Variants in CYBB observed in about 807,000 individuals in gnomAD.
CYBB encodes the protein cytochrome b-245 beta chain.
Under a neutral mutation model 46.5 loss-of-function variants are expected in CYBB, and 5 were observed. That is an observed-to-expected ratio of 0.11 (90% confidence interval 0.06 to 0.23). The LOEUF is 0.23. CYBB is among the 10% of genes least tolerant of loss of function. The probability of loss-of-function intolerance (pLI) is 1.00; values close to 1 mark genes in which losing one functional copy is unlikely to be tolerated. For synonymous variants in CYBB, 183 were observed against 156.7 expected, an observed-to-expected ratio of 1.17 and a Z score of -1.26; for missense variants, 307 against 428.3, an observed-to-expected ratio of 0.72 and a Z score of 2.50.
At chrX:37,790,051 G>T (rs1241781295) in intron 3 of CYBB, among the ~76,000 whole-genome samples, 2 of 111,765 alleles carry the variant, frequency 1.8e-5, no homozygotes, top group African/African-American at 6.5e-5. Context: ...AATCATGGAT[G>T]GCAGTTGGTG....
chrX:37,799,126 C>G, intron 7 of CYBB, 42 bp downstream of exon 7: 1 of 1,144,634 alleles, frequency 8.7e-7, no homozygotes, highest in Non-Finnish European at 1.2e-6. Context: ...TCATTACTGA[C>G]AATCTTTAAC....
chrX:37,807,110 A>C (rs564453052), intron 11 of CYBB, among the ~76,000 whole-genome samples: 15 of 111,066 alleles, frequency 1.4e-4, no homozygotes, highest in Middle Eastern at 4.7e-3. Flanking sequence ...GATTTTGTGC[A>C]ATTGTAGGCT....
At chrX:37,781,626 C>T (rs1556464486) in intron 1 of CYBB, among the ~76,000 whole-genome samples, 1 of 111,896 alleles carries the variant, frequency 8.9e-6, no homozygotes, top group Non-Finnish European at 1.9e-5. Context: ...GGCATTTTAG[C>T]TGATGAGAAT....
intron 5 of CYBB, 102 bp downstream of exon 5, chrX:37,793,912 T>C (rs372038790): frequency 5.3e-6 from 4 of 759,572 alleles, no homozygotes. Context: ...AAAAAAAAAG[T>C]TGGCTAACCA....
At position 37,801,292 on chromosome X, in the gene CYBB, C is replaced by A. The variant is rs1422144712; in HGVS notation, c.841C>A (p.Leu281Ile). 2 of 1,207,194 alleles carry A rather than the reference C, an allele frequency of 1.7e-6. No homozygotes were observed. Among genetic ancestry groups the A allele is most frequent in the African/African-American group, 3.5e-5 (2 of 56,951 alleles). The change falls in exon 8 of 13, where the codon CTC becomes ATC. Residue 281 changes from leucine to isoleucine, a missense_variant. By Grantham distance (5) the Leu-to-Ile change is conservative. Around this residue, in one of 3 missense-constraint regions of CYBB, gnomAD observed 82 missense variants for 69.9 expected, o/e 1.17. Transcript: ENST00000378588. ...KWIVGPMFLY[L>I]CERLVRFWRS... ...GATAGTGGGTCCCATGTTTCTGTAT[C>A]TCTGTGAGAGGTTGGTGCGGTTTTG...
rs2146803168 is a variant in CYBB at position 37,782,171 on chromosome X, A to G, written c.129A>G (p.Arg43=). Residue 43 remains arginine (R), a synonymous_variant, in exon 2 of 13, where the codon AGA becomes AGG. Coordinates refer to ENST00000378588, the MANE Select transcript of CYBB (RefSeq NM_000397.4). ...TTCCACCTAAGTTCTTTTACACAAG[A>G]AAACTTCTTGGGGTAAGTATAAATT... ...YDIPPKFFYT[R]KLLGSALALA... is the part of the protein sequence containing the mutation. 5 of 1,176,684 alleles carry G rather than the reference A, an allele frequency of 4.2e-6. No homozygotes were observed. The highest frequency in any genetic ancestry group is 5.8e-6 in the Non-Finnish European group (5 of 863,215).
At chrX:37,783,384 T>C in intron 2 of CYBB, 106 bp from the exon 3 acceptor site, 1 of 548,017 alleles carries the variant, frequency 1.8e-6, no homozygotes, top group Non-Finnish European at 3.3e-6. Flanking sequence ...ACAGATCACT[T>C]GGTGTCTCTG....
In CYBB at chrX:37,799,088, T is replaced by C; in HGVS notation, c.804+4T>C. On this transcript the variant is annotated splice_donor_region_variant and intron_variant, in intron 7 of 12. Transcript: ENST00000378588. ...GTTTGCTGGAAACCCTCCTATGGTA[T>C]GTACAATTCATTGTTGTTATTACAG... 1 of 1,203,455 alleles carries C rather than the reference T, an allele frequency of 8.3e-7. No homozygotes were observed. The highest frequency in any genetic ancestry group is 1.1e-6 in the Non-Finnish European group (1 of 888,161).
chrX:37,791,145 C>T (rs1423500624), intron 3 of CYBB, among the ~76,000 whole-genome samples: 5 of 110,790 alleles, frequency 4.5e-5, no homozygotes, highest in African/African-American at 6.6e-5. Context: ...TATCAGATGG[C>T]CTGAGTTTAA....
In CYBB at chrX:37,804,081, G is replaced by A; in HGVS notation, c.1102G>A (p.Ala368Thr). The A allele has an allele frequency of 1.7e-6, 2 of 1,210,872 alleles. No individual in the cohort carries two copies. The highest frequency in any genetic ancestry group is 2.2e-6 in the Non-Finnish European group (2 of 895,041). ...GGACTGGACAGAGGGGCTGTTCAAT[G>A]CTTGTGGCTGTGATAAGCAGGAGTT... ...VGDWTEGLFN[A>T]CGCDKQEFQD... The change falls in exon 9 of 13, where the codon GCT becomes ACT. Residue 368 changes from alanine (A) to threonine (T), a missense_variant. Transcript: ENST00000378588.
chrX:37,786,717 AACTTGCC>A (rs782530264), intron 3 of CYBB, among the ~76,000 whole-genome samples: 9 of 111,128 alleles, frequency 8.1e-5, no homozygotes, highest in Non-Finnish European at 1.3e-4. Context: ...AAAAACCCCC[AACTTGCC>A]ATGCAGAAAC....
At chrX:37,809,048 G>GCA (rs1357690814) in intron 11 of CYBB, among the ~76,000 whole-genome samples, 5 of 112,055 alleles carry the variant, frequency 4.5e-5, no homozygotes, top group East Asian at 5.6e-4. Context: ...ATATGTGCGT[G>GCA]CACACACACA....
chrX:37,799,203 C>G, intron 7 of CYBB, 119 bp downstream of exon 7: 2 of 684,891 alleles, frequency 2.9e-6, no homozygotes, highest in Admixed American at 2.4e-5. Flanking sequence ...TGTCATGGAA[C>G]AGCTAAAACA....
chrX:37,810,985 A>G lies in CYBB; in HGVS notation c.*68A>G, dbSNP rs970586948. 3.0e-6 allele frequency: 3 copies of G among 996,160 alleles called. No individual in the cohort carries two copies. The highest frequency in any genetic ancestry group is 4.5e-5 in the Admixed American group (2 of 44,010). The allele number at this position is 996,160 out of a possible 1,213,427, so 82.1% of individuals were successfully genotyped here. ...AATGCTCAAATAATGCTAATTGATA[A>G]TATAAATACCCCCTGCTTAAAAATG... On this transcript the variant is annotated 3_prime_UTR_variant, in exon 13 of 13. Coordinates refer to ENST00000378588, the MANE Select transcript of CYBB (RefSeq NM_000397.4).
At chrX:37,784,511 A>T (rs1482910029) in intron 3 of CYBB, among the ~76,000 whole-genome samples, 1 of 111,519 alleles carries the variant, frequency 9.0e-6, no homozygotes, top group Non-Finnish European at 1.9e-5. Context: ...CACAGGAAAT[A>T]GTGAGGAAAT....
At chrX:37,802,899 C>G (rs961547911) in intron 8 of CYBB, among the ~76,000 whole-genome samples, 40 of 111,860 alleles carry the variant, frequency 3.6e-4, no homozygotes, top group African/African-American at 1.3e-3. Flanking sequence ...TAGGAATCAT[C>G]AAAGAAACAG....
In CYBB at chrX:37,800,546, A is replaced by G. The variant is rs1217877879; in HGVS notation, c.805-710A>G. On this transcript the variant is annotated intron_variant, in intron 7 of 12. Transcript: ENST00000378588. ...CATTTTTTAGATAATATTGCTGTCT[A>G]AAATTCTTTGCTAGTTTAGGTATTA... Among the ~76,000 whole-genome samples the G allele has an allele frequency of 2.7e-5, 3 of 111,595 alleles. No homozygotes were observed. In the East Asian group the frequency reaches 8.4e-4, roughly 31 times the overall value.
At chrX:37,805,245 G>C in intron 10 of CYBB, 77 bp downstream of exon 10, 1 of 1,031,680 alleles carries the variant, frequency 9.7e-7, no homozygotes, top group Non-Finnish European at 1.3e-6. Context: ...GTGCTTTCAG[G>C]GCTAAGGTTG....
rs1556471143 is a variant in CYBB, at chrX:37,805,015, T to A, written c.1161T>A (p.Val387=). The change falls in exon 10 of 13, where the codon GTT becomes GTA. Residue 387 remains valine (V), a synonymous_variant. Transcript: ENST00000378588. ...QDAWKLPKIA[V]DGPFGTASED... ...CCCCATTTCCCTTCAGGATAGCGGT[T>A]GATGGGCCCTTTGGCACTGCCAGTG... 8.3e-7 allele frequency: 1 copy of A among 1,210,053 alleles called. No individual in the cohort carries two copies. The highest frequency in any genetic ancestry group is 1.8e-5 in the South Asian group (1 of 56,905).
Sources: gnomAD v4.1 joint callset for allele counts (sites outside exome capture counted in the v4.1 genomes callset) on GRCh38, gnomAD v4.1.1 for gene constraint, gnomAD v4.1.1 regional missense constraint, MANE v1.5 for transcripts, NCBI Gene and HGNC (gene_info 2026-07-23, HGNC 2026-07-21) for gene names.